TTC27: variants seen among roughly 807,000 people sequenced by gnomAD.
The protein encoded by TTC27 is tetratricopeptide repeat protein 27.
Under a neutral mutation model 115.9 loss-of-function variants are expected in TTC27, and 79 were observed. That is an observed-to-expected ratio of 0.68 (90% CI 0.57 to 0.82). The LOEUF (loss-of-function observed/expected upper bound fraction) is 0.82. Ranked by LOEUF, TTC27 falls within the 40% of genes least tolerant of loss-of-function variation. TTC27 has a pLI of 0.00. For missense variants in TTC27, 1,054 were observed against 993.1 expected (o/e 1.06, Z -0.82); for synonymous variants, 401 against 356.0 (o/e 1.13, Z -1.42).
chr2:32,795,844 G>A (rs572458596), intron 16 of TTC27, among the ~76,000 whole-genome samples: 459 of 151,710 alleles, frequency 3.0e-3, no homozygotes, highest in African/African-American at 0.011. Context: ...CTTCCAAACT[G>A]CTGGGATTAT....
Position 32,630,676 on chromosome 2 carries a change from C to T in TTC27, c.242C>T (p.Ser81Leu). 1 of 1,611,338 alleles carries T rather than the reference C, an allele frequency of 6.2e-7. No individual in the cohort carries two copies. Among genetic ancestry groups the T allele is most frequent in the African/African-American group, 1.3e-5 (1 of 74,830 alleles). The change falls in exon 2 of 20, where the codon TCA becomes TTA. Residue 81 changes from serine (S) to leucine (L), a missense_variant. Coordinates refer to ENST00000317907, the MANE Select transcript of TTC27 (RefSeq NM_017735.5). ...CAGGTAGTAACATTCCTGGATTACTCAACAGATTTGGACACAACGGAAAGG... is the reference window on the plus strand; with the variant it reads ...CAGGTAGTAACATTCCTGGATTACTTAACAGATTTGGACACAACGGAAAGG... ...EKQVVTFLDY[S>L]TDLDTTERQQ...
chr2:32,753,605 G>T (rs867166670), intron 12 of TTC27, among the ~76,000 whole-genome samples: 1 of 151,506 alleles, frequency 6.6e-6, no homozygotes. Context: ...ATGTGCCACC[G>T]CGCCCATATT....
chr2:32,633,370 C>T (rs75390209), intron 2 of TTC27, among the ~76,000 whole-genome samples: 7,092 of 151,990 alleles, frequency 0.047, 463 homozygotes, highest in African/African-American at 0.15. Flanking sequence ...AAATTTAAAC[C>T]ATGTTTGGCT....
At chr2:32,725,212 C>G (rs1668067964) in intron 10 of TTC27, among the ~76,000 whole-genome samples, 1 of 152,130 alleles carries the variant, frequency 6.6e-6, no homozygotes, top group Admixed American at 6.5e-5. Flanking sequence ...ATTTCAAAAT[C>G]AATCATGCCA....
chr2:32,661,752 C>G (rs769881722), intron 5 of TTC27, among the ~76,000 whole-genome samples: 2 of 152,050 alleles, frequency 1.3e-5, no homozygotes, highest in Non-Finnish European at 2.9e-5. Flanking sequence ...ATTTGAATAC[C>G]CTTTATTTCT....
At position 32,719,690 on chromosome 2, in the gene TTC27, T is replaced by C. The variant is rs1667861655; in HGVS notation, c.1234-14138T>C. Among the ~76,000 whole-genome samples, 7 of 152,190 alleles carry C rather than the reference T, an allele frequency of 4.6e-5. No individual in the cohort carries two copies. The South Asian group carries it at 1.5e-3, about 32-fold the overall frequency. On this transcript the variant is annotated intron_variant, in intron 10 of 19. Coordinates refer to ENST00000317907, the MANE Select transcript of TTC27 (RefSeq NM_017735.5). ...ACAGACACAGCTGCAGGAGGTAATA[T>C]TTAGTTACTCTAAGCTGGAGACAAT...
chr2:32,743,717 T>C (rs1668722373), intron 12 of TTC27, among the ~76,000 whole-genome samples: 4 of 152,194 alleles, frequency 2.6e-5, no homozygotes, highest in Admixed American at 2.6e-4. Flanking sequence ...GAAGAGTTGC[T>C]TCCTAGTTCT....
intron 16 of TTC27, among the ~76,000 whole-genome samples, chr2:32,806,446 A>C (rs1418214553): frequency 6.6e-6 from 1 of 152,196 alleles, no homozygotes; most frequent in African/African-American, 2.4e-5. Flanking sequence ...GGATAACCAG[A>C]ATTTGAATTT....
At chr2:32,802,261 A>G (rs539019800) in intron 16 of TTC27, among the ~76,000 whole-genome samples, 4 of 152,342 alleles carry the variant, frequency 2.6e-5, no homozygotes, top group Admixed American at 2.0e-4. Flanking sequence ...AAAGGGGAAA[A>G]TATCACTAAA....
intron 1 of TTC27, among the ~76,000 whole-genome samples, chr2:32,630,248 A>T (rs547792865): frequency 1.3e-5 from 2 of 152,294 alleles, no homozygotes; most frequent in Non-Finnish European, 2.9e-5. Context: ...TTCCCAGCAA[A>T]AGACTAAATA....
At chr2:32,710,035 A>G (rs1177458520) in intron 10 of TTC27, among the ~76,000 whole-genome samples, 1 of 152,080 alleles carries the variant, frequency 6.6e-6, no homozygotes, top group Non-Finnish European at 1.5e-5. Flanking sequence ...TGTATTTGAG[A>G]TAGGAGGTCT....
chr2:32,648,318 C>T (rs1323984536), intron 4 of TTC27, among the ~76,000 whole-genome samples: 1 of 151,728 alleles, frequency 6.6e-6, no homozygotes, highest in East Asian at 1.9e-4. Flanking sequence ...TAGTAGGAAC[C>T]GGGTTTCATC....
chr2:32,776,643 G>A (rs1670005267), intron 13 of TTC27, among the ~76,000 whole-genome samples: 2 of 152,094 alleles, frequency 1.3e-5, no homozygotes, highest in Non-Finnish European at 2.9e-5. Flanking sequence ...GAGTCTCACT[G>A]TGTTGCCCAG....
At chr2:32,808,718 C>G (rs937514923) in intron 16 of TTC27, among the ~76,000 whole-genome samples, 2 of 152,184 alleles carry the variant, frequency 1.3e-5, no homozygotes, top group Non-Finnish European at 2.9e-5. Context: ...TGTCTCTCCC[C>G]ACATCGTCTC....
chr2:32,747,168 C>T (rs13427305), intron 12 of TTC27, among the ~76,000 whole-genome samples: 72,793 of 151,832 alleles, frequency 0.48, 17,608 homozygotes, highest in Non-Finnish European at 0.49. Flanking sequence ...AAAAGAGTTG[C>T]GGTGGGTGGG....
At chr2:32,758,784 A>T (rs1018007576) in intron 13 of TTC27, among the ~76,000 whole-genome samples, 1 of 152,156 alleles carries the variant, frequency 6.6e-6, no homozygotes, top group African/African-American at 2.4e-5. Flanking sequence ...TAACTGACAT[A>T]CAACTATTAA....
chr2:32,687,821 A>G (rs1430094631), intron 9 of TTC27, among the ~76,000 whole-genome samples: 4 of 152,166 alleles, frequency 2.6e-5, no homozygotes, highest in Non-Finnish European at 5.9e-5. Context: ...AATGGATAGA[A>G]CTAAATTGAA....
chr2:32,664,868 T>C (rs919713000), intron 6 of TTC27, among the ~76,000 whole-genome samples: 1 of 151,600 alleles, frequency 6.6e-6, no homozygotes, highest in African/African-American at 2.4e-5. Context: ...AGTCTCGCTC[T>C]GTCGCCCAGG....
chr2:32,669,715 T>C (rs1026504274), intron 7 of TTC27, among the ~76,000 whole-genome samples: 1 of 151,610 alleles, frequency 6.6e-6, no homozygotes, highest in African/African-American at 2.4e-5. Flanking sequence ...CGAAACCCCA[T>C]CTCTGCTAAA....
Sources: allele counts gnomAD v4.1 joint callset (sites outside exome capture counted in the v4.1 genomes callset), GRCh38; gene constraint gnomAD v4.1.1; transcripts MANE v1.5; gene names NCBI Gene and HGNC (gene_info 2026-07-23, HGNC 2026-07-21).